Variants in TMEM260 observed in about 807,000 individuals in gnomAD.
TMEM260 encodes the protein protein O-mannosyl-transferase TMEM260.
Under a neutral mutation model 88.9 loss-of-function variants are expected in TMEM260, and 82 were observed. That is an observed-to-expected ratio of 0.92 (90% CI 0.77 to 1.11). The LOEUF is 1.11. Ranked by LOEUF, TMEM260 falls within the 50% of genes least tolerant of loss-of-function variation. The pLI is 0.00. For synonymous variants in TMEM260, 314 were observed against 309.3 expected, an observed-to-expected ratio of 1.02 and a Z score of -0.16; for missense variants, 902 against 853.4, an observed-to-expected ratio of 1.06 and a Z score of -0.71.
intron 7 of TMEM260, chr14:56,613,744 A>G (rs1014924609): frequency 6.6e-6 from 1 of 151,998 alleles, no homozygotes; most frequent in African/African-American, 2.4e-5. Context: ...GAATGTAACA[A>G]GAAGCTCAGT....
chr14:56,607,714 A>G (rs554794047), intron 5 of TMEM260, among the ~76,000 whole-genome samples: 2 of 152,050 alleles, frequency 1.3e-5, no homozygotes, highest in African/African-American at 2.4e-5. Context: ...GTGTGTGTGT[A>G]TATATATATG....
At chr14:56,601,500 A>AT (rs989238426) in intron 3 of TMEM260, among the ~76,000 whole-genome samples, 1 of 152,098 alleles carries the variant, frequency 6.6e-6, no homozygotes, top group Non-Finnish European at 1.5e-5. Flanking sequence ...TAAAGTTACC[A>AT]TTTTTCCCTT....
chr14:56,585,065 CTCAT>C (rs748431448), intron 2 of TMEM260, 33 bp downstream of exon 2: 7 of 1,596,116 alleles, frequency 4.4e-6, no homozygotes, highest in Middle Eastern at 1.7e-4. Context: ...AATCAATGCT[CTCAT>C]TAACAGTTTT....
At chr14:56,587,626 G>T (rs1885589572) in intron 3 of TMEM260, among the ~76,000 whole-genome samples, 1 of 151,952 alleles carries the variant, frequency 6.6e-6, no homozygotes, top group African/African-American at 2.4e-5. Context: ...ACTAAATTAG[G>T]TATTTGAGTA....
At chr14:56,660,905 T>G in the TMEM260 span, among the ~76,000 whole-genome samples, 1 of 152,180 alleles carries the variant, frequency 6.6e-6, no homozygotes, top group Non-Finnish European at 1.5e-5. Context: ...CCACTTAGTT[T>G]AAAAACCAAA....
At chr14:56,590,047 TGAA>T (rs1333242225) in intron 3 of TMEM260, among the ~76,000 whole-genome samples, 2 of 152,198 alleles carry the variant, frequency 1.3e-5, no homozygotes, top group Non-Finnish European at 2.9e-5. Context: ...TTTTTGTAGT[TGAA>T]GAAGAATGGA....
chr14:56,582,924 C>T (rs909527857), intron 1 of TMEM260, among the ~76,000 whole-genome samples: 1 of 131,646 alleles, frequency 7.6e-6, no homozygotes, highest in Non-Finnish European at 1.8e-5. Flanking sequence ...GAAAGTTTGT[C>T]ACATTCCAGA....
intron 15 of TMEM260, among the ~76,000 whole-genome samples, chr14:56,646,725 G>C (rs1459766177): frequency 6.6e-6 from 1 of 152,108 alleles, no homozygotes; most frequent in African/African-American, 2.4e-5. Flanking sequence ...AATTTGTCTG[G>C]ATTGTTTTAT....
chr14:56,600,297 A>AC (rs1468134230), intron 3 of TMEM260, among the ~76,000 whole-genome samples: 1 of 152,200 alleles, frequency 6.6e-6, no homozygotes, highest in Non-Finnish European at 1.5e-5. Context: ...GACTAGGAGA[A>AC]CAGGAGCATT....
chr14:56,655,193 C>T (rs563758017), downstream of TMEM260, among the ~76,000 whole-genome samples: 1 of 152,002 alleles, frequency 6.6e-6, no homozygotes, highest in Non-Finnish European at 1.5e-5. Flanking sequence ...AGTTCGAGAC[C>T]AGCCTGGCCA....
Position 56,621,521 on chromosome 14 carries a change from TTTTA to T in TMEM260, c.1227-5_1227-2del. 1 of 1,592,714 alleles carries T rather than the reference TTTTA, an allele frequency of 6.3e-7. No homozygotes were observed. The highest frequency in any genetic ancestry group is 8.5e-7 in the Non-Finnish European group (1 of 1,170,216). On this transcript the variant is annotated splice_polypyrimidine_tract_variant and splice_region_variant and intron_variant, in intron 10 of 15. Transcript: ENST00000261556. ...TTGCTATTTTAATTTTTTTGGATCC[TTTTA>T]TTTAGTGTTTGTGACCAAAGGACCA... is the stretch of plus-strand genomic sequence containing the variant.
At chr14:56,609,555 C>T (rs1158504356) in intron 6 of TMEM260, among the ~76,000 whole-genome samples, 1 of 152,130 alleles carries the variant, frequency 6.6e-6, no homozygotes. Flanking sequence ...ACAGTCGAAA[C>T]ATTTCAGTCT....
intron 5 of TMEM260, among the ~76,000 whole-genome samples, chr14:56,607,182 T>G (rs1886964750): frequency 6.6e-6 from 1 of 152,202 alleles, no homozygotes; most frequent in Non-Finnish European, 1.5e-5. Context: ...GATATTTCTC[T>G]TGTGAATCAG....
chr14:56,612,871 T>C (rs1277651867), intron 7 of TMEM260: 1 of 152,138 alleles, frequency 6.6e-6, no homozygotes, highest in African/African-American at 2.4e-5. Flanking sequence ...AGAGCATTTA[T>C]AGAACTAAAA....
At chr14:56,607,135 A>G (rs1886961822) in intron 5 of TMEM260, among the ~76,000 whole-genome samples, 1 of 152,246 alleles carries the variant, frequency 6.6e-6, no homozygotes, top group Non-Finnish European at 1.5e-5. Context: ...AATATAACTC[A>G]GTGAAGCTTT....
intron 3 of TMEM260, among the ~76,000 whole-genome samples, chr14:56,591,757 A>G (rs1392478712): frequency 2.0e-5 from 3 of 152,246 alleles, no homozygotes; most frequent in African/African-American, 7.2e-5. Flanking sequence ...CATACTGTGA[A>G]AACTTAGTAA....
downstream of TMEM260, among the ~76,000 whole-genome samples, chr14:56,652,533 T>TA (rs1293698064): frequency 6.6e-6 from 1 of 151,826 alleles, no homozygotes; most frequent in African/African-American, 2.4e-5. Flanking sequence ...CAAGAGCTTT[T>TA]AAAAATTACT....
At position 56,609,144 on chromosome 14, in the gene TMEM260, C is replaced by CT. The variant is rs1887094381; in HGVS notation, c.677dup (p.Ser227LeufsTer17). On this transcript the variant is annotated frameshift_variant, in exon 6 of 16. Transcript: ENST00000261556. LOFTEE classifies it high-confidence loss of function. ...GCTCTTTGTTGAAGTTGAGCCTGTA[C>CT]TTCTCTGCTGGTTTGCTGCCCTATG... 6.2e-7 allele frequency: 1 copy of CT among 1,614,164 alleles called. No individual in the cohort carries two copies. The highest frequency in any genetic ancestry group is 1.7e-5 in the Admixed American group (1 of 60,028).
At position 56,637,321 on chromosome 14, in the gene TMEM260, G is replaced by C. The variant is rs140409982; in HGVS notation, c.1869+723G>C. Among the ~76,000 whole-genome samples, 35 of 152,328 alleles carry C rather than the reference G, an allele frequency of 2.3e-4. No individual in the cohort carries two copies. In the East Asian group the frequency reaches 6.7e-3, roughly 29 times the overall value. ...ACTTGAAATGATAGGGCCTTGGCTT[G>C]TTGAGATTTCACGAGAAGAGATGAT... On this transcript the variant is annotated intron_variant, in intron 15 of 15. Transcript: ENST00000261556.
Sources: allele counts gnomAD v4.1 joint callset (sites outside exome capture counted in the v4.1 genomes callset), GRCh38; gene constraint gnomAD v4.1.1; transcripts MANE v1.5; gene names NCBI Gene and HGNC (gene_info 2026-07-23, HGNC 2026-07-21).